Variants in AFF3 observed in about 807,000 individuals in gnomAD.
AFF3 encodes ALF transcription elongation factor 3.
AFF3 carries 32 observed loss-of-function variants against 129.7 expected under a neutral mutation model. The observed-to-expected ratio is 0.25, with a 90% CI of 0.19 to 0.33. The LOEUF (loss-of-function observed/expected upper bound fraction) is 0.33, where lower values mean the gene tolerates loss of function less well. Among genes scored for constraint, AFF3 ranks in the 10% least tolerant of loss-of-function variants. The pLI is 1.00. For missense variants in AFF3, 1,373 were observed against 1,592.0 expected (o/e 0.86, Z 2.34); for synonymous variants, 644 against 635.4 (o/e 1.01, Z -0.20).
chr2:99,814,928 C>T (rs1687102225), intron 8 of AFF3, among the ~76,000 whole-genome samples: 1 of 151,322 alleles, frequency 6.6e-6, no homozygotes, highest in Admixed American at 6.6e-5. Context: ...TGGCTCACTG[C>T]AACCTCTGTC....
intron 7 of AFF3, among the ~76,000 whole-genome samples, chr2:99,999,556 T>C (rs1019347465): frequency 6.6e-6 from 1 of 152,202 alleles, no homozygotes; most frequent in African/African-American, 2.4e-5. Flanking sequence ...CTCTCTTCAA[T>C]TTCTACATTC....
At chr2:99,699,270 C>T (rs12466624) in intron 11 of AFF3, among the ~76,000 whole-genome samples, 8,868 of 152,296 alleles carry the variant, frequency 0.058, 473 homozygotes, top group Admixed American at 0.15. Flanking sequence ...ACCCCTTCAC[C>T]TGTGGCTTCC....
Position 100,142,568 on chromosome 2 carries a change from C to T in AFF3, c.-312G>A, listed in dbSNP as rs17023563. The T allele has an allele frequency of 0.055, 8,392 of 152,460 alleles. 540 individuals are homozygous for T. The highest frequency in any genetic ancestry group is 0.16 in the African/African-American group (6,569 of 41,564). 9.4% of individuals were successfully genotyped at this position (152,460 alleles called of 1,614,324 possible). ...GAGGCTGAGCGTGGAGCTCTCTTCTCGCTGGCGAGCTTTCTGAATGGCACT... is the reference window on the plus strand; with the variant it reads ...GAGGCTGAGCGTGGAGCTCTCTTCTTGCTGGCGAGCTTTCTGAATGGCACT... On this transcript the variant is annotated 5_prime_UTR_variant, in exon 1 of 25. Coordinates refer to ENST00000672756, the MANE Select transcript of AFF3 (RefSeq NM_001386135.1).
In AFF3 at chr2:99,614,606, G is replaced by A. The variant is rs561941527; in HGVS notation, c.1185-12985C>T. 4.6e-5 allele frequency among the ~76,000 whole-genome samples: 7 copies of A among 152,328 alleles called. No homozygotes were observed. In the East Asian group the frequency reaches 1.2e-3, roughly 25 times the overall value. On this transcript the variant is annotated intron_variant, in intron 13 of 24. Transcript: ENST00000672756. ...AGTTCTTAACCAGGTGCTGGATCCC[G>A]TGCTCTCTTGCTTAGAGGGGCGCTT...
intron 8 of AFF3, among the ~76,000 whole-genome samples, chr2:99,834,185 G>A (rs902202698): frequency 2.0e-5 from 3 of 152,138 alleles, no homozygotes; most frequent in Non-Finnish European, 4.4e-5. Context: ...CCAGGGGGAC[G>A]TCTTCATCTA....
intron 14 of AFF3, among the ~76,000 whole-genome samples, chr2:99,597,036 G>A (rs1679356190): frequency 6.6e-6 from 1 of 152,150 alleles, no homozygotes; most frequent in Non-Finnish European, 1.5e-5. Flanking sequence ...CACTTCATGT[G>A]TATTATCTCA....
intron 7 of AFF3, among the ~76,000 whole-genome samples, chr2:99,893,060 C>T (rs998446514): frequency 1.1e-4 from 16 of 152,122 alleles, no homozygotes; most frequent in South Asian, 2.1e-4. Flanking sequence ...ACCTCCCTGG[C>T]GCTCCCACAG....
intron 8 of AFF3, among the ~76,000 whole-genome samples, chr2:99,815,192 T>C (rs1276235999): frequency 6.6e-6 from 1 of 152,222 alleles, no homozygotes; most frequent in African/African-American, 2.4e-5. Context: ...AGTTGCTTTA[T>C]GATCATGAAT....
chr2:100,038,629 T>C (rs1455972303), intron 4 of AFF3, among the ~76,000 whole-genome samples: 1 of 152,078 alleles, frequency 6.6e-6, no homozygotes, highest in Admixed American at 6.5e-5. Context: ...GACACATACA[T>C]GCACAAAAAG....
chr2:99,811,305 C>T (rs1339066785), intron 8 of AFF3, among the ~76,000 whole-genome samples: 1 of 152,196 alleles, frequency 6.6e-6, no homozygotes, highest in Non-Finnish European at 1.5e-5. Context: ...GTTTGCAAAG[C>T]ACTTTGACAT....
rs777331310 is a variant in AFF3 at position 99,586,834 on chromosome 2, C to T, written c.2591+320G>A. 3.3e-5 allele frequency among the ~76,000 whole-genome samples: 5 copies of T among 152,040 alleles called. 1 individual carries two copies. The highest frequency in any genetic ancestry group is 4.2e-4 in the South Asian group (2 of 4,810). On this transcript the variant is annotated intron_variant, in intron 16 of 24. Transcript: ENST00000672756. ...AAGCTTAGTGTTCTTAGGAGTTTAG[C>T]GGTTACCATTAAAATATTGATTAGA...
At position 99,655,734 on chromosome 2, in the gene AFF3, T is replaced by C. The variant is rs11681189; in HGVS notation, c.1144-6068A>G. ...GTTCTTTGCACTTCCTGTGAATCTA[T>C]TATATAATTAAAAAAAATAGTACGG... On this transcript the variant is annotated intron_variant, in intron 12 of 24. Transcript: ENST00000672756. 6.8e-3 allele frequency among the ~76,000 whole-genome samples: 1,031 copies of C among 152,258 alleles called. 6 individuals are homozygous for C. Among genetic ancestry groups the C allele is most frequent in the Middle Eastern group, 0.017 (5 of 294 alleles).
chr2:100,094,474 C>T (rs1350032734), intron 4 of AFF3, among the ~76,000 whole-genome samples: 3 of 152,170 alleles, frequency 2.0e-5, no homozygotes, highest in South Asian at 2.1e-4. Flanking sequence ...GCTAATCTGA[C>T]GGGAGGCGGA....
At chr2:99,693,179 G>A (rs1248623711) in intron 11 of AFF3, among the ~76,000 whole-genome samples, 1 of 152,234 alleles carries the variant, frequency 6.6e-6, no homozygotes, top group Non-Finnish European at 1.5e-5. Context: ...TGAATAAGGA[G>A]AAGTGGGATT....
chr2:100,094,465 C>T (rs1229174307), intron 4 of AFF3, among the ~76,000 whole-genome samples: 2 of 152,076 alleles, frequency 1.3e-5, no homozygotes, highest in African/African-American at 4.8e-5. Context: ...AATGCCAGTG[C>T]TAATCTGACG....
intron 21 of AFF3, among the ~76,000 whole-genome samples, chr2:99,559,677 T>C (rs1416333256): frequency 1.3e-5 from 2 of 152,238 alleles, no homozygotes; most frequent in Non-Finnish European, 2.9e-5. Flanking sequence ...CACTCAGTTA[T>C]TTGCTAACTC....
At chr2:100,142,242 A>G (rs1044851879) in intron 1 of AFF3, among the ~76,000 whole-genome samples, 2 of 152,052 alleles carry the variant, frequency 1.3e-5, no homozygotes, top group African/African-American at 4.8e-5. Context: ...ACACGCACAC[A>G]CACTGACGGC....
chr2:99,598,213 A>G (rs768225810), intron 14 of AFF3, among the ~76,000 whole-genome samples: 1 of 152,172 alleles, frequency 6.6e-6, no homozygotes, highest in Non-Finnish European at 1.5e-5. Context: ...TCTCTTTAAC[A>G]TTAGGTATCC....
intron 4 of AFF3, among the ~76,000 whole-genome samples, chr2:100,040,339 G>A (rs982656060): frequency 6.6e-6 from 1 of 152,140 alleles, no homozygotes; most frequent in Non-Finnish European, 1.5e-5. Context: ...CCCAATGACT[G>A]CAGCACTACT....
Sources: allele counts gnomAD v4.1 joint callset (sites outside exome capture counted in the v4.1 genomes callset), GRCh38; gene constraint gnomAD v4.1.1; transcripts MANE v1.5; gene names NCBI Gene and HGNC (gene_info 2026-07-23, HGNC 2026-07-21).